The following TTLL5 variants were observed in gnomAD, a reference collection of about 807,000 sequenced individuals.
TTLL5 encodes tubulin polyglutamylase TTLL5.
TTLL5 carries 132 observed loss-of-function variants against 168.4 expected under a neutral mutation model. The observed-to-expected ratio is 0.78, with a 90% CI of 0.68 to 0.91. The LOEUF (loss-of-function observed/expected upper bound fraction) is 0.91, where lower values mean the gene tolerates loss of function less well. Ranked by LOEUF, TTLL5 falls within the 40% of genes least tolerant of loss-of-function variation. The pLI is 0.00. For missense variants in TTLL5, 1,545 were observed against 1,581.5 expected (o/e 0.98, Z 0.39); for synonymous variants, 546 against 558.6 (o/e 0.98, Z 0.32).
chr14:75,759,293 T>C (rs747544104), intron 18 of TTLL5, among the ~76,000 whole-genome samples: 2 of 152,120 alleles, frequency 1.3e-5, no homozygotes, highest in Non-Finnish European at 2.9e-5. Context: ...CAATTCTTTG[T>C]GGTGGTGGGA....
intron 27 of TTLL5, among the ~76,000 whole-genome samples, chr14:75,811,896 G>A (rs1894062965): frequency 6.6e-6 from 1 of 152,168 alleles, no homozygotes; most frequent in Non-Finnish European, 1.5e-5. Flanking sequence ...ACAAACAGCA[G>A]TAACAAGAAG....
At chr14:75,858,165 A>G (rs1423159667) in intron 28 of TTLL5, among the ~76,000 whole-genome samples, 1 of 152,194 alleles carries the variant, frequency 6.6e-6, no homozygotes, top group Non-Finnish European at 1.5e-5. Flanking sequence ...AATAGAATCA[A>G]ACATTTTCAT....
At chr14:75,884,746 A>G (rs2032010741) in intron 30 of TTLL5, among the ~76,000 whole-genome samples, 1 of 152,176 alleles carries the variant, frequency 6.6e-6, no homozygotes, top group Middle Eastern at 3.2e-3. Context: ...CTTACATGTG[A>G]AATGTACAGC....
intron 28 of TTLL5, among the ~76,000 whole-genome samples, chr14:75,861,220 G>C (rs1018059306): frequency 2.0e-5 from 3 of 152,182 alleles, no homozygotes; most frequent in Non-Finnish European, 2.9e-5. Flanking sequence ...GATGAGTAAG[G>C]GATGTGACAT....
intron 9 of TTLL5, among the ~76,000 whole-genome samples, chr14:75,716,659 G>A (rs1334594014): frequency 6.6e-6 from 1 of 152,050 alleles, no homozygotes; most frequent in Non-Finnish European, 1.5e-5. Flanking sequence ...AGTGAAGGGT[G>A]ATATGGTTAC....
intron 9 of TTLL5, chr14:75,709,594 C>A: frequency 5.3e-6 from 1 of 190,018 alleles, no homozygotes; most frequent in Non-Finnish European, 1.1e-5. Context: ...CATGAGCTGA[C>A]TACTAGCTCT....
intron 27 of TTLL5, among the ~76,000 whole-genome samples, chr14:75,803,976 C>T (rs1037083228): frequency 6.6e-6 from 1 of 152,184 alleles, no homozygotes; most frequent in East Asian, 1.9e-4. Flanking sequence ...AACTCCAGCT[C>T]TTCCAGCCTG....
intron 31 of TTLL5, among the ~76,000 whole-genome samples, chr14:75,936,912 C>G (rs1254932878): frequency 2.0e-5 from 3 of 152,162 alleles, no homozygotes. Flanking sequence ...TAGTAAATTT[C>G]CCTGCTTTCC....
chr14:75,930,374 A>G (rs2140166453), intron 31 of TTLL5, among the ~76,000 whole-genome samples: 1 of 152,346 alleles, frequency 6.6e-6, no homozygotes, highest in South Asian at 2.1e-4. Flanking sequence ...ATACTCAAAA[A>G]TCCAAAACTG....
intron 18 of TTLL5, 55 bp from the exon 19 acceptor site, chr14:75,764,560 G>C (rs1890846531): frequency 6.2e-7 from 1 of 1,600,114 alleles, no homozygotes; most frequent in Non-Finnish European, 8.6e-7. Flanking sequence ...CTTAGCCTTG[G>C]AATGAAGGAG....
chr14:75,847,439 A>G (rs1896605739), intron 28 of TTLL5, among the ~76,000 whole-genome samples: 2 of 152,068 alleles, frequency 1.3e-5, no homozygotes, highest in Admixed American at 1.3e-4. Flanking sequence ...GAACCTCAAA[A>G]ACTAGATCAT....
Position 75,784,751 on chromosome 14 carries a change from G to A in TTLL5, c.2986+1221G>A, listed in dbSNP as rs969433002. ...CTCCCTGTCCTTGCCAAAACTATGA[G>A]TTGTCTCTGTTTTTGATTTTCACAT... On this transcript the variant is annotated intron_variant, in intron 26 of 31. Coordinates refer to ENST00000298832, the MANE Select transcript of TTLL5 (RefSeq NM_015072.5). Among the ~76,000 whole-genome samples, 9 of 152,230 alleles carry A rather than the reference G, an allele frequency of 5.9e-5. No individual in the cohort carries two copies. The East Asian group carries it at 1.2e-3, about 20-fold the overall frequency.
At chr14:75,852,847 T>G (rs1007776846) in intron 28 of TTLL5, among the ~76,000 whole-genome samples, 3 of 152,216 alleles carry the variant, frequency 2.0e-5, no homozygotes, top group African/African-American at 4.8e-5. Flanking sequence ...GTGTTCCCAG[T>G]CAGCAGTTAC....
chr14:75,826,749 A>G (rs1432364209), intron 28 of TTLL5, among the ~76,000 whole-genome samples: 1 of 152,142 alleles, frequency 6.6e-6, no homozygotes, highest in East Asian at 1.9e-4. Context: ...TGTCCCTTCA[A>G]GTTAACTGGT....
Position 75,766,374 on chromosome 14 carries a change from T to C in TTLL5, c.2015+6T>C. 6.3e-7 allele frequency: 1 copy of C among 1,597,908 alleles called. No homozygotes were observed. The highest frequency in any genetic ancestry group is 1.3e-5 in the African/African-American group (1 of 74,202). ...CAAGATAATGGCAATCTTAGGTATG[T>C]ATCTTTTATAATTATATTAGTAAAA... On this transcript the variant is annotated splice_donor_region_variant and intron_variant, in intron 20 of 31. Transcript: ENST00000298832.
chr14:75,750,863 A>C (rs1280807885), intron 17 of TTLL5, among the ~76,000 whole-genome samples: 1 of 152,326 alleles, frequency 6.6e-6, no homozygotes, highest in South Asian at 2.1e-4. Flanking sequence ...AGTTATGTGA[A>C]TGTGGCCTCT....
intron 15 of TTLL5, among the ~76,000 whole-genome samples, chr14:75,739,889 C>T (rs1889143432): frequency 6.6e-6 from 1 of 152,156 alleles, no homozygotes; most frequent in Non-Finnish European, 1.5e-5. Context: ...GTCAAGATCT[C>T]TTGTTATTTT....
chr14:75,798,328 CTCTCTTCTTTTCTTCT>C (rs1292911195), intron 27 of TTLL5, among the ~76,000 whole-genome samples: 5 of 151,718 alleles, frequency 3.3e-5, no homozygotes, highest in Non-Finnish European at 5.9e-5. Context: ...TTTGGATCTT[CTCTCTTCTTTTCTTCT>C]TCTCTTCTAA....
At chr14:75,807,318 C>G (rs1035527451) in intron 27 of TTLL5, among the ~76,000 whole-genome samples, 1 of 152,074 alleles carries the variant, frequency 6.6e-6, no homozygotes, top group African/African-American at 2.4e-5. Flanking sequence ...TGCGGTGGCA[C>G]GTGCCTGTAG....
Sources: gnomAD v4.1 joint callset for allele counts (sites outside exome capture counted in the v4.1 genomes callset) on GRCh38, gnomAD v4.1.1 for gene constraint, MANE v1.5 for transcripts, NCBI Gene and HGNC (gene_info 2026-07-23, HGNC 2026-07-21) for gene names.